Variants in BAIAP2L1 observed in about 807,000 individuals in gnomAD.
BAIAP2L1 encodes BAR/IMD domain containing adaptor protein 2 like 1.
A neutral mutation model predicts 66.3 loss-of-function variants in BAIAP2L1; 35 were observed. The ratio of observed to expected loss-of-function variants is 0.53; its 90% confidence interval spans 0.40 to 0.70. The LOEUF (loss-of-function observed/expected upper bound fraction) is 0.70. Ranked by LOEUF, BAIAP2L1 falls within the 30% of genes least tolerant of loss-of-function variation. The pLI, the probability that BAIAP2L1 is intolerant of heterozygous loss-of-function variation, is 0.00. For synonymous variants in BAIAP2L1, 269 were observed against 248.7 expected (o/e 1.08, Z -0.77); for missense variants, 622 against 656.9 (o/e 0.95, Z 0.58).
At chr7:98,380,356 T>C (rs1209759208) in intron 1 of BAIAP2L1, among the ~76,000 whole-genome samples, 1 of 152,126 alleles carries the variant, frequency 6.6e-6, no homozygotes, top group Non-Finnish European at 1.5e-5. Context: ...GAGGTTTCAC[T>C]GGACTTACGG....
intron 2 of BAIAP2L1, among the ~76,000 whole-genome samples, chr7:98,358,868 C>G (rs746172620): frequency 1.3e-4 from 20 of 152,164 alleles, no homozygotes; most frequent in Admixed American, 1.2e-3. Context: ...TCACACCTCC[C>G]GGAATTCCCA....
At chr7:98,353,306 C>G (rs1802039066) in intron 3 of BAIAP2L1, among the ~76,000 whole-genome samples, 1 of 145,034 alleles carries the variant, frequency 6.9e-6, no homozygotes, top group Admixed American at 7.3e-5. Flanking sequence ...CTGGCCAACA[C>G]AGAGAGACCC....
intron 1 of BAIAP2L1, among the ~76,000 whole-genome samples, chr7:98,372,236 T>TC (rs1283013575): frequency 6.6e-6 from 1 of 151,966 alleles, no homozygotes; most frequent in East Asian, 2.0e-4. Context: ...TGAAACCCCC[T>TC]CCCTACTAAA....
chr7:98,311,024 C>T (rs1260565471), intron 8 of BAIAP2L1, among the ~76,000 whole-genome samples: 1 of 151,972 alleles, frequency 6.6e-6, no homozygotes, highest in Non-Finnish European at 1.5e-5. Flanking sequence ...AAGAGTGGAT[C>T]CATGTGTTCA....
chr7:98,383,815 T>C (rs1203886434), intron 1 of BAIAP2L1, among the ~76,000 whole-genome samples: 1 of 152,096 alleles, frequency 6.6e-6, no homozygotes, highest in Non-Finnish European at 1.5e-5. Flanking sequence ...ATGCCTACGT[T>C]GAGCCCACCC....
chr7:98,376,870 T>G (rs908327479), intron 1 of BAIAP2L1, among the ~76,000 whole-genome samples: 32 of 152,016 alleles, frequency 2.1e-4, no homozygotes, highest in African/African-American at 7.7e-4. Flanking sequence ...TAACACGGTG[T>G]TGTCTAAACA....
chr7:98,387,999 G>A (rs999803119), intron 1 of BAIAP2L1, among the ~76,000 whole-genome samples: 3 of 151,820 alleles, frequency 2.0e-5, no homozygotes, highest in African/African-American at 7.3e-5. Flanking sequence ...TATTTACTCA[G>A]CTCCACCTAT....
intron 8 of BAIAP2L1, among the ~76,000 whole-genome samples, chr7:98,311,359 T>C (rs1037546560): frequency 2.0e-5 from 3 of 151,102 alleles, no homozygotes; most frequent in East Asian, 4.0e-4. Flanking sequence ...CTGGCTAACA[T>C]GGTGAAACCC....
At chr7:98,297,145 C>T (rs898565592) in intron 12 of BAIAP2L1, among the ~76,000 whole-genome samples, 3 of 152,234 alleles carry the variant, frequency 2.0e-5, no homozygotes, top group African/African-American at 7.2e-5. Flanking sequence ...AGAGCGAGGC[C>T]ACCAAGCGGC....
intron 9 of BAIAP2L1, chr7:98,308,491 G>T: frequency 8.2e-6 from 3 of 363,884 alleles, no homozygotes; most frequent in Non-Finnish European, 1.6e-5. Flanking sequence ...CAGGAGGAAG[G>T]TGCTGCTATT....
At chr7:98,350,427 G>A (rs1801975327) in intron 3 of BAIAP2L1, among the ~76,000 whole-genome samples, 1 of 152,210 alleles carries the variant, frequency 6.6e-6, no homozygotes, top group East Asian at 1.9e-4. Flanking sequence ...GGAGGCTGAG[G>A]CGGGCAGATC....
At chr7:98,389,359 C>A (rs750444346) in intron 1 of BAIAP2L1, among the ~76,000 whole-genome samples, 1 of 152,056 alleles carries the variant, frequency 6.6e-6, no homozygotes, top group Non-Finnish European at 1.5e-5. Context: ...CACTCTGTCA[C>A]CCAGGCTGGA....
At chr7:98,349,689 A>G (rs1295479684) in intron 3 of BAIAP2L1, among the ~76,000 whole-genome samples, 1 of 150,780 alleles carries the variant, frequency 6.6e-6, no homozygotes, top group Non-Finnish European at 1.5e-5. Flanking sequence ...CCTGGCCAGC[A>G]TGGTGAAACC....
intron 1 of BAIAP2L1, among the ~76,000 whole-genome samples, chr7:98,385,286 G>A (rs1802860057): frequency 6.6e-6 from 1 of 152,062 alleles, no homozygotes; most frequent in Non-Finnish European, 1.5e-5. Flanking sequence ...TCCAGCCTGG[G>A]TGACAGAGCG....
chr7:98,351,479 G>A (rs1801999975), intron 3 of BAIAP2L1, among the ~76,000 whole-genome samples: 2 of 152,138 alleles, frequency 1.3e-5, no homozygotes, highest in South Asian at 2.1e-4. Flanking sequence ...AAATTGGGCC[G>A]TGGGGTATAA....
chr7:98,352,641 C>CA (rs1220086043), intron 3 of BAIAP2L1, among the ~76,000 whole-genome samples: 4 of 151,748 alleles, frequency 2.6e-5, no homozygotes, highest in Non-Finnish European at 4.4e-5. Flanking sequence ...GGTTCCGTCT[C>CA]AAAAAAACAA....
chr7:98,393,383 T>A (rs1490136056), intron 1 of BAIAP2L1, among the ~76,000 whole-genome samples: 1 of 151,954 alleles, frequency 6.6e-6, no homozygotes, highest in East Asian at 1.9e-4. Context: ...AAAGCACAGA[T>A]GAACCCTATT....
intron 12 of BAIAP2L1, among the ~76,000 whole-genome samples, chr7:98,300,482 A>C (rs760594635): frequency 1.2e-4 from 19 of 152,250 alleles, no homozygotes; most frequent in Non-Finnish European, 2.6e-4. Flanking sequence ...AACAGCATGC[A>C]GATGACCGCG....
intron 3 of BAIAP2L1, among the ~76,000 whole-genome samples, chr7:98,322,008 A>C (rs949045112): frequency 2.0e-5 from 3 of 152,118 alleles, no homozygotes; most frequent in Admixed American, 1.3e-4. Context: ...AGGTGGGAGA[A>C]CTGCTTGAAC....
Sources: allele counts gnomAD v4.1 joint callset (sites outside exome capture counted in the v4.1 genomes callset), GRCh38; gene constraint gnomAD v4.1.1; transcripts MANE v1.5; gene names NCBI Gene and HGNC (gene_info 2026-07-23, HGNC 2026-07-21).